Variants in SCD5 observed in about 807,000 individuals in gnomAD.
The protein encoded by SCD5 is stearoyl-CoA desaturase 5.
Under a neutral mutation model 30.4 loss-of-function variants are expected in SCD5, and 20 were observed. The observed-to-expected ratio is 0.66, with a 90% CI of 0.46 to 0.96. SCD5 has a LOEUF of 0.96. Ranked by LOEUF, SCD5 falls within the 40% of genes least tolerant of loss-of-function variation. The pLI is 0.00. For missense variants in SCD5, 381 were observed against 443.3 expected, an observed-to-expected ratio of 0.86 and a Z score of 1.26; for synonymous variants, 173 against 176.4, an observed-to-expected ratio of 0.98 and a Z score of 0.16.
chr4:82,721,177 C>CAA (rs1720362939), intron 1 of SCD5, among the ~76,000 whole-genome samples: 1 of 148,324 alleles, frequency 6.7e-6, no homozygotes, highest in African/African-American at 2.6e-5. Flanking sequence ...AAAACAAAAA[C>CAA]AAACAAACAA....
intron 1 of SCD5, among the ~76,000 whole-genome samples, chr4:82,766,683 G>A (rs1162500319): frequency 2.0e-5 from 3 of 152,154 alleles, no homozygotes; most frequent in Non-Finnish European, 4.4e-5. Flanking sequence ...GCATGGTTGA[G>A]TGCTGCATAT....
chr4:82,664,999 C>CTCTCTCTCTCTCTCTA (rs1219554314), intron 3 of SCD5, among the ~76,000 whole-genome samples: 173 of 70,458 alleles, frequency 2.5e-3, no homozygotes, highest in Non-Finnish European at 3.6e-3. Context: ...CTCTCTCTCT[C>CTCTCTCTCTCTCTCTA]TATATATATA....
intron 3 of SCD5, among the ~76,000 whole-genome samples, chr4:82,653,674 A>AATGATAGATAGATAG (rs1560524896): frequency 7.9e-6 from 1 of 127,076 alleles, no homozygotes; most frequent in Admixed American, 8.9e-5. Flanking sequence ...TTTGAAAGTC[A>AATGATAGATAGATAG]ATGATAGATA....
Position 82,631,150 on chromosome 4 carries a change from A to G in SCD5, c.*177T>C. On this transcript the variant is annotated 3_prime_UTR_variant, in exon 5 of 5. Coordinates refer to ENST00000319540, the MANE Select transcript of SCD5 (RefSeq NM_001037582.3). ...CAAAAAAAAAAACGAAAGTTTTTTC[A>G]TTGATAATTGTATTTCAACATTATT... 1 of 514,844 alleles carries G rather than the reference A, an allele frequency of 1.9e-6. No homozygotes were observed. The highest frequency in any genetic ancestry group is 3.3e-6 in the Non-Finnish European group (1 of 307,574). 31.9% of individuals were successfully genotyped at this position (514,844 alleles called of 1,614,324 possible).
intron 1 of SCD5, among the ~76,000 whole-genome samples, chr4:82,755,660 T>C (rs1207288792): frequency 6.6e-6 from 1 of 152,200 alleles, no homozygotes; most frequent in Non-Finnish European, 1.5e-5. Flanking sequence ...AAAGGATGGC[T>C]TAACACCATC....
In SCD5 at chr4:82,665,434, A is replaced by G. The variant is rs115960524; in HGVS notation, c.569+15273T>C. On this transcript the variant is annotated intron_variant, in intron 3 of 4. Transcript: ENST00000319540. ...TCAAACTGCTGAAAACTGAAGATAA[A>G]ATATATTGAAGTCAGTGACAAAAAA... Among the ~76,000 whole-genome samples, 744 of 152,106 alleles carry G rather than the reference A, an allele frequency of 4.9e-3. 6 individuals carry two copies. The highest frequency in any genetic ancestry group is 0.016 in the African/African-American group (685 of 41,520).
chr4:82,643,556 G>A (rs1244292092), intron 3 of SCD5, among the ~76,000 whole-genome samples: 1 of 152,214 alleles, frequency 6.6e-6, no homozygotes, highest in Non-Finnish European at 1.5e-5. Context: ...AAATTACCAG[G>A]AGCTGGGGGT....
chr4:82,641,180 G>C (rs571360293), intron 3 of SCD5, among the ~76,000 whole-genome samples: 1 of 139,518 alleles, frequency 7.2e-6, no homozygotes, highest in East Asian at 2.2e-4. Context: ...CTTGAACATG[G>C]GAGGCAGAGG....
At chr4:82,705,611 C>T (rs1034047238) in intron 1 of SCD5, among the ~76,000 whole-genome samples, 198 bp from the exon 2 acceptor site, 1 of 152,222 alleles carries the variant, frequency 6.6e-6, no homozygotes, top group African/African-American at 2.4e-5. Flanking sequence ...AAGCAGAGAA[C>T]TTTCTTCAGC....
At chr4:82,734,597 C>T (rs757313704) in intron 1 of SCD5, among the ~76,000 whole-genome samples, 2 of 152,086 alleles carry the variant, frequency 1.3e-5, no homozygotes, top group Non-Finnish European at 2.9e-5. Flanking sequence ...TAAAATTGTG[C>T]TTTTAACCAA....
chr4:82,637,444 C>CT, intron 3 of SCD5, among the ~76,000 whole-genome samples: 1 of 152,328 alleles, frequency 6.6e-6, no homozygotes, highest in African/African-American at 2.4e-5. Context: ...AGTTCTGGAC[C>CT]TATGTACCCA....
chr4:82,714,340 A>G (rs573906904), intron 1 of SCD5, among the ~76,000 whole-genome samples: 6 of 152,116 alleles, frequency 3.9e-5, no homozygotes, highest in Admixed American at 3.9e-4. Context: ...TTCTCCCCTC[A>G]TAGCTGCCCC....
intron 1 of SCD5, among the ~76,000 whole-genome samples, chr4:82,763,227 C>CGT (rs1037976816): frequency 1.3e-5 from 2 of 152,072 alleles, no homozygotes; most frequent in Admixed American, 1.3e-4. Flanking sequence ...GAAGTGATTA[C>CGT]GTGGCCAGGC....
intron 1 of SCD5, among the ~76,000 whole-genome samples, chr4:82,729,384 T>C (rs922226367): frequency 2.0e-5 from 3 of 152,078 alleles, no homozygotes; most frequent in Non-Finnish European, 4.4e-5. Flanking sequence ...TGGTGAGGAT[T>C]ATAGTCAGCG....
At chr4:82,786,752 A>G (rs1223932602) in intron 1 of SCD5, among the ~76,000 whole-genome samples, 1 of 148,550 alleles carries the variant, frequency 6.7e-6, no homozygotes, top group African/African-American at 2.5e-5. Context: ...AGATCACACC[A>G]TTGCACTCCA....
chr4:82,673,589 A>G (rs1329731621), intron 3 of SCD5, among the ~76,000 whole-genome samples: 1 of 152,170 alleles, frequency 6.6e-6, no homozygotes, highest in Non-Finnish European at 1.5e-5. Flanking sequence ...TCTCAACTGG[A>G]TCTATATTCA....
At chr4:82,703,820 A>C (rs1719909780) in intron 2 of SCD5, among the ~76,000 whole-genome samples, 1 of 152,222 alleles carries the variant, frequency 6.6e-6, no homozygotes. Flanking sequence ...GAACACAAGA[A>C]ATGAAAATTA....
At chr4:82,734,717 CT>C (rs555114086) in intron 1 of SCD5, among the ~76,000 whole-genome samples, 3 of 149,514 alleles carry the variant, frequency 2.0e-5, no homozygotes, top group South Asian at 2.1e-4. Flanking sequence ...GTTGCTTGGG[CT>C]TTTTTTTTAA....
At chr4:82,743,960 G>C (rs982401749) in intron 1 of SCD5, among the ~76,000 whole-genome samples, 3 of 151,944 alleles carry the variant, frequency 2.0e-5, no homozygotes, top group Admixed American at 2.0e-4. Flanking sequence ...TGAGTAGCTG[G>C]GACTACAGGC....
Sources: allele counts gnomAD v4.1 joint callset (sites outside exome capture counted in the v4.1 genomes callset), GRCh38; gene constraint gnomAD v4.1.1; transcripts MANE v1.5; gene names NCBI Gene and HGNC (gene_info 2026-07-23, HGNC 2026-07-21).